Variants in MYOF observed in about 807,000 individuals in gnomAD.
MYOF encodes myoferlin.
In MYOF, 244 loss-of-function variants were observed where a neutral mutation model predicts 284.2. That is an observed-to-expected ratio of 0.86 (90% confidence interval 0.77 to 0.95). The LOEUF (loss-of-function observed/expected upper bound fraction) is 0.95, where lower values mean the gene tolerates loss of function less well. MYOF is among the 40% of genes least tolerant of loss of function. The probability of loss-of-function intolerance (pLI) is 0.00; values close to 1 mark genes in which losing one functional copy is unlikely to be tolerated. For missense variants in MYOF, 2,496 were observed against 2,560.6 expected, an observed-to-expected ratio of 0.97 and a Z score of 0.54; for synonymous variants, 904 against 919.7, an observed-to-expected ratio of 0.98 and a Z score of 0.31.
intron 5 of MYOF, among the ~76,000 whole-genome samples, chr10:93,413,064 C>T (rs944791943): frequency 2.6e-5 from 4 of 152,148 alleles, no homozygotes; most frequent in Non-Finnish European, 1.5e-5. Flanking sequence ...ATTTGTACTT[C>T]CTCCTTGCCA....
rs75506996 is a variant in MYOF at position 93,435,191 on chromosome 10, T to C, written c.237-3675A>G. 6.4e-3 allele frequency among the ~76,000 whole-genome samples: 980 copies of C among 152,296 alleles called. 30 individuals carry two copies. The East Asian group carries it at 0.11, about 18-fold the overall frequency. ...CACTGCACACTTGAATATGTACTGA[T>C]TTGCTTCTGCTAAAGTCAAAATGAC... On this transcript the variant is annotated intron_variant, in intron 3 of 53. Coordinates refer to ENST00000359263, the MANE Select transcript of MYOF (RefSeq NM_013451.4).
intron 3 of MYOF, among the ~76,000 whole-genome samples, chr10:93,439,460 G>A (rs1350856018): frequency 3.9e-5 from 6 of 152,134 alleles, no homozygotes; most frequent in East Asian, 1.9e-4. Context: ...TCCCTCAACC[G>A]TTAGAATCAA....
At chr10:93,376,617 TA>T (rs1845848712) in intron 22 of MYOF, among the ~76,000 whole-genome samples, 1 of 152,152 alleles carries the variant, frequency 6.6e-6, no homozygotes, top group Non-Finnish European at 1.5e-5. Flanking sequence ...GTGTGGGGAA[TA>T]AAGGCCTTTT....
At chr10:93,341,442 A>T (rs1358924385) in intron 38 of MYOF, among the ~76,000 whole-genome samples, 2 of 152,034 alleles carry the variant, frequency 1.3e-5, no homozygotes, top group African/African-American at 2.4e-5. Flanking sequence ...CACCTGGCTA[A>T]TTTTTTGTAT....
intron 3 of MYOF, among the ~76,000 whole-genome samples, chr10:93,436,543 C>T (rs1849130018): frequency 6.6e-6 from 1 of 151,960 alleles, no homozygotes. Context: ...GACTTTAATC[C>T]CAAAAACATT....
At position 93,356,773 on chromosome 10, in the gene MYOF, G is replaced by T. The variant is rs778596902; in HGVS notation, c.3196C>A (p.Arg1066Ser). 9.9e-6 allele frequency: 16 copies of T among 1,614,028 alleles called. No individual in the cohort carries two copies. Among genetic ancestry groups the T allele is most frequent in the South Asian group, 2.2e-5 (2 of 91,086 alleles). The stretch of plus-strand genomic sequence containing the variant: ...CTGCGGCGGAAGGTATCTGAACTAC[G>T]TTGTTTCCAGTGAAATTTCCAGCCA... ...LIGWKFHWKQ[R>S]SSDTFRRRRW... The change falls in exon 30 of 54, where the codon CGT becomes AGT. Residue 1066 changes from arginine (R) to serine (S), a missense_variant. Around this residue, in one of 3 missense-constraint regions of MYOF, gnomAD observed 2,436 missense variants for 2,480.7 expected, o/e 0.98. Coordinates refer to ENST00000359263, the MANE Select transcript of MYOF (RefSeq NM_013451.4).
intron 38 of MYOF, among the ~76,000 whole-genome samples, chr10:93,341,651 A>G (rs1367792737): frequency 6.6e-6 from 1 of 152,250 alleles, no homozygotes; most frequent in Non-Finnish European, 1.5e-5. Context: ...TCATGCCTAC[A>G]TGATCATTAG....
At chr10:93,453,454 G>A (rs929402127) in intron 2 of MYOF, among the ~76,000 whole-genome samples, 7 of 151,500 alleles carry the variant, frequency 4.6e-5, no homozygotes, top group Non-Finnish European at 8.8e-5. Context: ...GTGAGCCACC[G>A]CACCTGGACA....
At chr10:93,355,793 C>A in intron 30 of MYOF, 57 bp from the exon 31 acceptor site, 11 of 1,286,340 alleles carry the variant, frequency 8.6e-6, no homozygotes, top group Non-Finnish European at 1.2e-5. Flanking sequence ...TGCCTAAAAG[C>A]AAATCAACCA....
chr10:93,405,299 A>C (rs1847503709), intron 7 of MYOF, among the ~76,000 whole-genome samples: 1 of 152,220 alleles, frequency 6.6e-6, no homozygotes, highest in Admixed American at 6.5e-5. Flanking sequence ...TTCTCCAATC[A>C]TCCCTACAAA....
chr10:93,344,383 C>T (rs1268088084), intron 37 of MYOF, among the ~76,000 whole-genome samples: 1 of 152,002 alleles, frequency 6.6e-6, no homozygotes, highest in Admixed American at 6.6e-5. Context: ...GTACATTGTG[C>T]CCAGTATGCA....
chr10:93,306,613 G>A lies in MYOF; in HGVS notation c.*350C>T. 4.0e-6 allele frequency: 1 copy of A among 250,736 alleles called. No individual in the cohort carries two copies. The highest frequency in any genetic ancestry group is 7.3e-5 in the South Asian group (1 of 13,726). 15.5% of individuals were successfully genotyped at this position (250,736 alleles called of 1,614,324 possible). On this transcript the variant is annotated 3_prime_UTR_variant, in exon 54 of 54. Coordinates refer to ENST00000359263, the MANE Select transcript of MYOF (RefSeq NM_013451.4). ...GAAGTATATCACCTCAGGATGCAGA[G>A]ATTTTTGAATTCTATTTAGCAATTT...
intron 36 of MYOF, among the ~76,000 whole-genome samples, chr10:93,349,541 G>A (rs965522803): frequency 1.3e-5 from 2 of 152,222 alleles, no homozygotes; most frequent in African/African-American, 2.4e-5. Flanking sequence ...GTAATAGATA[G>A]CTGAATAGAT....
chr10:93,350,244 A>G (rs534804453), intron 35 of MYOF, among the ~76,000 whole-genome samples: 3 of 152,004 alleles, frequency 2.0e-5, no homozygotes, highest in Non-Finnish European at 4.4e-5. Context: ...TCACCTCCCT[A>G]TGTCTCATCT....
chr10:93,476,966 G>T (rs1164699229), intron 1 of MYOF, among the ~76,000 whole-genome samples: 1 of 152,166 alleles, frequency 6.6e-6, no homozygotes, highest in East Asian at 1.9e-4. Context: ...ATGGAATGGG[G>T]GATATTGTAA....
At chr10:93,399,092 C>T (rs1847156900) in intron 13 of MYOF, among the ~76,000 whole-genome samples, 2 of 152,136 alleles carry the variant, frequency 1.3e-5, no homozygotes, top group Admixed American at 1.3e-4. Context: ...GAGAGCTTGC[C>T]TAAGGTTAAG....
At chr10:93,402,191 T>C in intron 11 of MYOF, 41 bp downstream of exon 11, 1 of 1,555,010 alleles carries the variant, frequency 6.4e-7, no homozygotes. Flanking sequence ...GGCCTTCTTT[T>C]TTAGTGAGAA....
chr10:93,395,116 T>G (rs1345111313), intron 16 of MYOF, among the ~76,000 whole-genome samples: 1 of 152,146 alleles, frequency 6.6e-6, no homozygotes, highest in Non-Finnish European at 1.5e-5. Context: ...TTTAATCTAT[T>G]GGCAATTACA....
At position 93,349,696 on chromosome 10, in the gene MYOF, T is replaced by G. The variant is rs537580130; in HGVS notation, c.4083+112A>C. 4.3e-5 allele frequency: 55 copies of G among 1,286,662 alleles called. No homozygotes were observed. In the Admixed American group the frequency reaches 5.3e-4, roughly 12 times the overall value. The allele number at this position is 1,286,662 out of a possible 1,614,324, so 79.7% of individuals were successfully genotyped here. On this transcript the variant is annotated intron_variant, in intron 36 of 53. Transcript: ENST00000359263. ...TGACAAGCTGAATATAAGGCAGGGT[T>G]TTTCTATTTGTCAGGTTTTGGAAAT...
Sources: allele counts gnomAD v4.1 joint callset (sites outside exome capture counted in the v4.1 genomes callset), GRCh38; gene constraint gnomAD v4.1.1; regional missense constraint gnomAD v4.1.1; transcripts MANE v1.5; gene names NCBI Gene and HGNC (gene_info 2026-07-23, HGNC 2026-07-21).